The following NUP62 variants were observed in gnomAD, a reference collection of about 807,000 sequenced individuals.
NUP62 encodes the protein nucleoporin 62.
For missense variants in NUP62, 647 were observed against 689.4 expected (o/e 0.94, Z 0.69); for synonymous variants, 305 against 303.4 (o/e 1.01, Z -0.05).
At position 49,907,910 on chromosome 19, in the gene NUP62, G is replaced by A. The variant is rs933998689; in HGVS notation, c.*329C>T. The A allele has an allele frequency of 1.4e-5, 6 of 443,632 alleles. No individual in the cohort carries two copies. The highest frequency in any genetic ancestry group is 4.8e-5 in the East Asian group (1 of 20,866). The allele number at this position is 443,632 out of a possible 1,614,324, so 27.5% of individuals were successfully genotyped here. On this transcript the variant is annotated 3_prime_UTR_variant, in exon 3 of 3. Coordinates refer to ENST00000352066, the MANE Select transcript of NUP62 (RefSeq NM_016553.5). The stretch of plus-strand genomic sequence containing the variant: ...CTTTGGAGAGAGTGGCTGCCCCCAC[G>A]ACCCTGGCTGGGACCAAGACCATCA...
intron 2 of NUP62, among the ~76,000 whole-genome samples, chr19:49,914,822 C>T (rs2075583271): frequency 7.1e-6 from 1 of 141,718 alleles, no homozygotes; most frequent in East Asian, 2.3e-4. Flanking sequence ...TCACTACAAC[C>T]TCCGCCTCCC....
At chr19:49,924,244 TCA>T (rs1293030569) in intron 2 of NUP62, among the ~76,000 whole-genome samples, 1 of 152,136 alleles carries the variant, frequency 6.6e-6, no homozygotes, top group African/African-American at 2.4e-5. Flanking sequence ...TCTCGGGACC[TCA>T]GTCTTGACTC....
intron 2 of NUP62, among the ~76,000 whole-genome samples, chr19:49,924,624 T>G (rs945798909): frequency 1.3e-5 from 2 of 152,122 alleles, no homozygotes; most frequent in Non-Finnish European, 2.9e-5. Context: ...GGCCAGGACA[T>G]GAGTCCTGAA....
intron 2 of NUP62, among the ~76,000 whole-genome samples, chr19:49,924,779 G>A (rs1163222085): frequency 6.6e-6 from 1 of 152,198 alleles, no homozygotes; most frequent in Non-Finnish European, 1.5e-5. Flanking sequence ...GTGCCAACTG[G>A]CACCCACTCA....
Position 49,909,077 on chromosome 19 carries a change from G to A in NUP62, c.731C>T (p.Thr244Ile). The stretch of plus-strand genomic sequence containing the variant: ...CCCAGCAGTGGGGGCGCCCGCTGTG[G>A]TCACAGGGGTACAGAGGGAGAGTCC... Reference protein sequence around the residue: ...TTGLSLCTPVTTAGAPTAGTQ... With the variant: ...TTGLSLCTPVITAGAPTAGTQ... Residue 244 changes from threonine to isoleucine, a missense_variant, in exon 3 of 3, where the codon ACC becomes ATC. By Grantham distance (89) the Thr-to-Ile change is moderately conservative. Transcript: ENST00000352066. 6.2e-7 allele frequency: 1 copy of A among 1,612,756 alleles called. No homozygotes were observed. The highest frequency in any genetic ancestry group is 8.5e-7 in the Non-Finnish European group (1 of 1,180,034).
rs774427219 is a variant in NUP62, at chr19:49,908,060, G to A, written c.*179C>T. On this transcript the variant is annotated 3_prime_UTR_variant, in exon 3 of 3. Coordinates refer to ENST00000352066, the MANE Select transcript of NUP62 (RefSeq NM_016553.5). ...CATGAGGCTGCTGCCTGGGCAGAAGGCCCAGAATACCCTCCTAAATGGAAA... is the reference window on the plus strand; with the variant it reads ...CATGAGGCTGCTGCCTGGGCAGAAGACCCAGAATACCCTCCTAAATGGAAA... The A allele has an allele frequency of 2.1e-5, 28 of 1,351,958 alleles. No homozygotes were observed. Among genetic ancestry groups the A allele is most frequent in the Admixed American group, 2.6e-5 (1 of 38,144 alleles). 83.7% of individuals were successfully genotyped at this position (1,351,958 alleles called of 1,614,324 possible). A position where few individuals can be genotyped will look rare whatever the true frequency, so the allele number is the denominator to read the frequency against.
intron 2 of NUP62, among the ~76,000 whole-genome samples, chr19:49,913,668 T>C (rs2075542430): frequency 6.6e-6 from 1 of 152,218 alleles, no homozygotes; most frequent in African/African-American, 2.4e-5. Flanking sequence ...TCTCTCCCCT[T>C]TGCTGTTTTC....
In NUP62 at chr19:49,908,218, G is replaced by A. The variant is rs764355720; in HGVS notation, c.*21C>T. Reference sequence around the variant, plus strand: ...CCTCATGAACTCCCTAGGGACCTGCGGGCCCCAGGGCTGCTGTCGCTCAGT... The same window carrying A: ...CCTCATGAACTCCCTAGGGACCTGCAGGCCCCAGGGCTGCTGTCGCTCAGT... On this transcript the variant is annotated 3_prime_UTR_variant, in exon 3 of 3. Coordinates refer to ENST00000352066, the MANE Select transcript of NUP62 (RefSeq NM_016553.5). 11 of 1,610,818 alleles carry A rather than the reference G, an allele frequency of 6.8e-6. No homozygotes were observed. Among genetic ancestry groups the A allele is most frequent in the Admixed American group, 3.3e-5 (2 of 59,912 alleles).
chr19:49,912,203 T>C (rs893761592), intron 2 of NUP62, among the ~76,000 whole-genome samples: 4 of 138,860 alleles, frequency 2.9e-5, no homozygotes, highest in African/African-American at 1.1e-4. Flanking sequence ...GGAGTCTCGC[T>C]CTGTTGCCCA....
At chr19:49,923,964 T>C (rs929245973) in intron 2 of NUP62, among the ~76,000 whole-genome samples, 2 of 152,192 alleles carry the variant, frequency 1.3e-5, no homozygotes, top group Non-Finnish European at 2.9e-5. Flanking sequence ...GATGCAAAAC[T>C]CGGAGCCTTT....
intron 2 of NUP62, among the ~76,000 whole-genome samples, chr19:49,915,016 A>G (rs1352313029): frequency 6.6e-6 from 1 of 152,112 alleles, no homozygotes; most frequent in Non-Finnish European, 1.5e-5. Context: ...CTGTGATTAC[A>G]GGAGTGAGCC....
At chr19:49,928,230 T>C (rs1268348532) in intron 1 of NUP62, 1 of 152,198 alleles carries the variant, frequency 6.6e-6, no homozygotes, top group African/African-American at 2.4e-5. Flanking sequence ...TAATAAAATA[T>C]GCTGAGGCCG....
At chr19:49,913,184 A>G (rs2075522528) in intron 2 of NUP62, 1 of 152,442 alleles carries the variant, frequency 6.6e-6, no homozygotes, top group Non-Finnish European at 1.5e-5. Context: ...GGAGGCCCAC[A>G]CAGCAGACAT....
intron 2 of NUP62, among the ~76,000 whole-genome samples, chr19:49,918,053 A>G (rs1030130545): frequency 6.6e-6 from 1 of 151,504 alleles, no homozygotes; most frequent in Admixed American, 6.6e-5. Context: ...ACCCAAAGCC[A>G]TGGAGAGGGT....
intron 2 of NUP62, among the ~76,000 whole-genome samples, chr19:49,912,520 AG>A (rs1813605337): frequency 6.6e-6 from 1 of 151,920 alleles, no homozygotes; most frequent in African/African-American, 2.4e-5. Context: ...CTCAGGTGCC[AG>A]GGATCTATTC....
chr19:49,922,144 C>T (rs1173344754), intron 2 of NUP62, among the ~76,000 whole-genome samples: 1 of 152,224 alleles, frequency 6.6e-6, no homozygotes, highest in African/African-American at 2.4e-5. Flanking sequence ...GCACTAGCTC[C>T]CTTTGCTTCT....
At chr19:49,926,249 C>G (rs560451722) in intron 2 of NUP62, among the ~76,000 whole-genome samples, 1 of 138,286 alleles carries the variant, frequency 7.2e-6, no homozygotes, top group African/African-American at 2.7e-5. Flanking sequence ...TTGCTTAAGA[C>G]TGGGTGTGGT....
intron 2 of NUP62, among the ~76,000 whole-genome samples, chr19:49,924,748 G>C (rs1420309065): frequency 1.3e-5 from 2 of 152,216 alleles, no homozygotes; most frequent in Non-Finnish European, 2.9e-5. Context: ...GAACAGGCTG[G>C]GAGGGGCTGG....
chr19:49,927,131 G>A (rs2075914711), intron 2 of NUP62, among the ~76,000 whole-genome samples: 1 of 152,078 alleles, frequency 6.6e-6, no homozygotes, highest in Non-Finnish European at 1.5e-5. Context: ...AGGGTGGTGG[G>A]ACTACAGGCA....
Sources: allele counts gnomAD v4.1 joint callset (sites outside exome capture counted in the v4.1 genomes callset), GRCh38; gene constraint gnomAD v4.1.1; transcripts MANE v1.5; gene names NCBI Gene and HGNC (gene_info 2026-07-23, HGNC 2026-07-21).